AGAP1: variants seen among roughly 807,000 people sequenced by gnomAD.
AGAP1 encodes ArfGAP with GTPase domain, ankyrin repeat and PH domain 1.
AGAP1 carries 29 observed loss-of-function variants against 105.3 expected under a neutral mutation model. That is an observed-to-expected ratio of 0.28 (90% CI 0.21 to 0.38). AGAP1 has a LOEUF of 0.38. Among genes scored for constraint, AGAP1 ranks in the 10% least tolerant of loss-of-function variants. AGAP1 has a pLI of 1.00. For missense variants in AGAP1, 998 were observed against 1,165.1 expected (o/e 0.86, Z 2.09); for synonymous variants, 509 against 485.9 (o/e 1.05, Z -0.63).
At chr2:235,954,612 C>T (rs1451968365) in intron 12 of AGAP1, among the ~76,000 whole-genome samples, 7 of 150,614 alleles carry the variant, frequency 4.6e-5, no homozygotes, top group African/African-American at 1.5e-4. Flanking sequence ...TGGGGGCCCT[C>T]GACAGCCATG....
intron 9 of AGAP1, chr2:235,852,752 C>T (rs13006916): frequency 0.54 from 827,971 of 1,531,590 alleles, 232,642 homozygotes; most frequent in East Asian, 0.81. Context: ...AGCCCGTGCC[C>T]GTCAGTCCTC....
chr2:235,851,509 A>T (rs919374066), intron 9 of AGAP1, among the ~76,000 whole-genome samples: 28 of 152,090 alleles, frequency 1.8e-4, no homozygotes, highest in African/African-American at 6.5e-4. Flanking sequence ...TTTTTTTTTA[A>T]AGCAAAGTGT....
chr2:235,580,513 T>C (rs891755609), intron 1 of AGAP1, among the ~76,000 whole-genome samples: 6 of 152,150 alleles, frequency 3.9e-5, no homozygotes, highest in African/African-American at 1.2e-4. Flanking sequence ...TAGTGTCTTC[T>C]AGAGGTAGAG....
intron 1 of AGAP1, among the ~76,000 whole-genome samples, chr2:235,591,685 G>A (rs1335571216): frequency 1.3e-5 from 2 of 152,200 alleles, no homozygotes; most frequent in Non-Finnish European, 2.9e-5. Flanking sequence ...GGGTCATGGG[G>A]GTGAATCCTT....
At chr2:235,836,867 C>T (rs1960226089) in intron 9 of AGAP1, among the ~76,000 whole-genome samples, 1 of 152,180 alleles carries the variant, frequency 6.6e-6, no homozygotes, top group African/African-American at 2.4e-5. Context: ...ACGGGTTACA[C>T]TGGTGCCATT....
chr2:236,027,597 A>G lies in AGAP1; in HGVS notation c.1646-8964A>G, dbSNP rs1002865235. Among the ~76,000 whole-genome samples, 26 of 152,126 alleles carry G rather than the reference A, an allele frequency of 1.7e-4. No homozygotes were observed. The highest frequency in any genetic ancestry group is 3.4e-4 in the Non-Finnish European group (23 of 68,014). On this transcript the variant is annotated intron_variant, in intron 13 of 17. Coordinates refer to ENST00000304032, the MANE Select transcript of AGAP1 (RefSeq NM_001037131.3). The surrounding 1 kb of genome is among the most constrained non-coding windows in gnomAD (Gnocchi z 4.4). The stretch of plus-strand genomic sequence containing the variant: ...TCACAGTTCAGCCCTGGTCCCCATC[A>G]GCACAGCCTGCCTGGGAGAGGCCAG...
chr2:235,999,062 G>A (rs1242404479), intron 13 of AGAP1, among the ~76,000 whole-genome samples: 2 of 150,990 alleles, frequency 1.3e-5, no homozygotes, highest in Non-Finnish European at 3.0e-5. Context: ...GATAATGATG[G>A]TATGGTGACC....
intron 1 of AGAP1, among the ~76,000 whole-genome samples, chr2:235,666,108 C>T (rs1362594537): frequency 6.6e-6 from 1 of 152,072 alleles, no homozygotes; most frequent in Non-Finnish European, 1.5e-5. Context: ...CCTGAACTCT[C>T]CTCTGCAGTC....
At chr2:235,722,289 G>A (rs1255212594) in intron 3 of AGAP1, among the ~76,000 whole-genome samples, 3 of 152,298 alleles carry the variant, frequency 2.0e-5, no homozygotes, top group East Asian at 3.9e-4. Context: ...AGGTGTTGAC[G>A]GGGTTGGTCC....
chr2:235,876,212 T>C (rs894571186), intron 9 of AGAP1, among the ~76,000 whole-genome samples: 10 of 152,374 alleles, frequency 6.6e-5, no homozygotes, highest in African/African-American at 2.4e-4. Flanking sequence ...TGATGCTTTT[T>C]ACTATCAATT....
At chr2:235,944,896 G>A (rs185001167) in intron 12 of AGAP1, among the ~76,000 whole-genome samples, 1 of 152,284 alleles carries the variant, frequency 6.6e-6, no homozygotes, top group Admixed American at 6.5e-5. Context: ...AGCAGTCAAG[G>A]TTTGGGTTAT....
chr2:235,541,337 T>G (rs1426591862), intron 1 of AGAP1, among the ~76,000 whole-genome samples: 1 of 147,610 alleles, frequency 6.8e-6, no homozygotes, highest in Non-Finnish European at 1.5e-5. Flanking sequence ...ACCCCCTTCC[T>G]AAATCTTCTG....
chr2:236,104,088 C>T lies in AGAP1; in HGVS notation c.2115-16104C>T, dbSNP rs2059425610. On this transcript the variant is annotated intron_variant, in intron 16 of 17. Coordinates refer to ENST00000304032, the MANE Select transcript of AGAP1 (RefSeq NM_001037131.3). This position sits in a 1 kb window ranked among gnomAD's most constrained non-coding sequence, Gnocchi z 4.7. ...AGCAATGTGAAACCTTAGGTACTTC[C>T]CACTTGCATTTAGGTGGGGGGCCTT... 6.6e-6 allele frequency among the ~76,000 whole-genome samples: 1 copy of T among 152,218 alleles called. No individual in the cohort carries two copies. Among genetic ancestry groups the T allele is most frequent in the African/African-American group, 2.4e-5 (1 of 41,434 alleles).
chr2:235,908,912 C>G lies in AGAP1; in HGVS notation c.1324+6C>G, dbSNP rs771697662. 6.2e-7 allele frequency: 1 copy of G among 1,606,604 alleles called. No homozygotes were observed. The highest frequency in any genetic ancestry group is 2.2e-5 in the East Asian group (1 of 44,718). ...ACACATCTCACCCAATTCAGGTAAG[C>G]TTACAGCAAATGCACTAACAAATCA... On this transcript the variant is annotated splice_donor_region_variant and intron_variant, in intron 11 of 17. Coordinates refer to ENST00000304032, the MANE Select transcript of AGAP1 (RefSeq NM_001037131.3). The surrounding 1 kb of genome is among the most constrained non-coding windows in gnomAD (Gnocchi z 4.4).
In AGAP1 at chr2:235,928,175, A is replaced by G. The variant is rs116385633; in HGVS notation, c.1325-2590A>G. Among the ~76,000 whole-genome samples, 953 of 152,270 alleles carry G rather than the reference A, an allele frequency of 6.3e-3. 2 individuals are homozygous for G. Among genetic ancestry groups the G allele is most frequent in the Non-Finnish European group, 8.9e-3 (606 of 68,026 alleles). ...CCTTTGCGGAGTCCTTTCGCCCACC[A>G]TAACAGTGTCAGCAGTGTCTGGAAG... On this transcript the variant is annotated intron_variant, in intron 11 of 17. Coordinates refer to ENST00000304032, the MANE Select transcript of AGAP1 (RefSeq NM_001037131.3).
chr2:235,602,824 C>A (rs1945777314), intron 1 of AGAP1, among the ~76,000 whole-genome samples: 1 of 152,190 alleles, frequency 6.6e-6, no homozygotes, highest in Non-Finnish European at 1.5e-5. Context: ...GCCTCAGCCT[C>A]CCGAACAGCT....
chr2:235,810,038 CTA>C (rs1958049242), intron 9 of AGAP1, among the ~76,000 whole-genome samples: 1 of 152,200 alleles, frequency 6.6e-6, no homozygotes. Context: ...CTCTCTGCCC[CTA>C]TGTCTGCGCT....
intron 13 of AGAP1, among the ~76,000 whole-genome samples, chr2:236,029,963 T>C (rs2057176472): frequency 6.6e-6 from 1 of 152,164 alleles, no homozygotes; most frequent in African/African-American, 2.4e-5. Flanking sequence ...AGTCTTGAAC[T>C]CCTGGGCTCA....
chr2:236,072,441 C>T (rs2058526191), intron 16 of AGAP1: 2 of 142,544 alleles, frequency 1.4e-5, no homozygotes, highest in African/African-American at 5.6e-5. Context: ...AAGACTCTGT[C>T]TCAAAAAAAA....
Sources: allele counts gnomAD v4.1 joint callset (sites outside exome capture counted in the v4.1 genomes callset), GRCh38; gene constraint gnomAD v4.1.1; non-coding constraint Gnocchi (gnomAD v3.1); transcripts MANE v1.5; gene names NCBI Gene and HGNC (gene_info 2026-07-23, HGNC 2026-07-21).